Variants in BZW2 observed in about 807,000 individuals in gnomAD.
BZW2 encodes basic leucine zipper and W2 domains 2, also known as eIF5-mimic protein 1.
BZW2 carries 23 observed loss-of-function variants against 53.2 expected under a neutral mutation model. The observed-to-expected ratio is 0.43, with a 90% CI of 0.31 to 0.61. BZW2 has a LOEUF of 0.61. Ranked by LOEUF, BZW2 falls within the 20% of genes least tolerant of loss-of-function variation. The pLI is 0.09. For missense variants in BZW2, 409 were observed against 503.1 expected, an observed-to-expected ratio of 0.81 and a Z score of 1.79; for synonymous variants, 227 against 186.4, an observed-to-expected ratio of 1.22 and a Z score of -1.77.
chr7:16,646,237 A>T lies in BZW2; in HGVS notation c.-59A>T. 1 of 344,234 alleles carries T rather than the reference A, an allele frequency of 2.9e-6. No individual in the cohort carries two copies. Among genetic ancestry groups the T allele is most frequent in the South Asian group, 2.1e-5 (1 of 46,674 alleles). 21.3% of individuals were successfully genotyped at this position (344,234 alleles called of 1,614,324 possible). A position where few individuals can be genotyped will look rare whatever the true frequency, so the allele number is the denominator to read the frequency against. On this transcript the variant is annotated 5_prime_UTR_variant, in exon 1 of 12. Transcript: ENST00000258761. ...CTGCTGCTGCTGCCGCTGCTGCTGC[A>T]CGAATCGCCGCAGCCCCCAGCCTTG...
intron 3 of BZW2, among the ~76,000 whole-genome samples, chr7:16,679,783 C>A (rs1485854671): frequency 6.6e-6 from 1 of 152,202 alleles, no homozygotes; most frequent in East Asian, 1.9e-4. Flanking sequence ...AGTATATACA[C>A]TAGAAACATT....
chr7:16,670,352 G>C (rs1422310660), intron 2 of BZW2, among the ~76,000 whole-genome samples: 2 of 152,124 alleles, frequency 1.3e-5, no homozygotes, highest in Non-Finnish European at 1.5e-5. Context: ...CCTCTGCATT[G>C]ATTCTTGGCA....
intron 8 of BZW2, among the ~76,000 whole-genome samples, chr7:16,695,407 A>G (rs973565045): frequency 1.3e-5 from 2 of 152,204 alleles, no homozygotes; most frequent in Non-Finnish European, 2.9e-5. Context: ...TTTTTTGTTC[A>G]TCACTCTGTA....
chr7:16,703,587 T>A (rs370765598), intron 10 of BZW2, among the ~76,000 whole-genome samples: 2 of 152,316 alleles, frequency 1.3e-5, no homozygotes, highest in African/African-American at 4.8e-5. Context: ...ATTGAGCACA[T>A]CTCGGGGACA....
At chr7:16,646,562 A>G (rs1229333316) in intron 1 of BZW2, among the ~76,000 whole-genome samples, 1 of 152,160 alleles carries the variant, frequency 6.6e-6, no homozygotes, top group Non-Finnish European at 1.5e-5. Flanking sequence ...GGGGCCAGCC[A>G]CGCGGTGGGA....
chr7:16,674,337 A>G, intron 2 of BZW2, 75 bp from the exon 3 acceptor site: 1 of 1,157,112 alleles, frequency 8.6e-7, no homozygotes, highest in Non-Finnish European at 1.2e-6. Flanking sequence ...GATAAAATAG[A>G]ATTAAAGTTT....
intron 3 of BZW2, among the ~76,000 whole-genome samples, chr7:16,677,396 T>C (rs552765816): frequency 7.7e-4 from 118 of 152,304 alleles, no homozygotes; most frequent in African/African-American, 2.7e-3. Flanking sequence ...TGTCTCTTAG[T>C]ACCCCCTCTC....
chr7:16,704,419 C>G, intron 10 of BZW2, 128 bp from the exon 11 acceptor site: 1 of 1,027,188 alleles, frequency 9.7e-7, no homozygotes, highest in Non-Finnish European at 1.3e-6. Context: ...CTTGGTTCCT[C>G]TCTTCTGATA....
intron 3 of BZW2, among the ~76,000 whole-genome samples, chr7:16,681,017 T>A (rs1334574342): frequency 6.6e-6 from 1 of 151,988 alleles, no homozygotes; most frequent in African/African-American, 2.4e-5. Context: ...GGCAGGAGAA[T>A]CGCTTGAACC....
Position 16,684,881 on chromosome 7 carries a change from C to T in BZW2, c.406-1024C>T, listed in dbSNP as rs747715565. Among the ~76,000 whole-genome samples, 3 of 152,162 alleles carry T rather than the reference C, an allele frequency of 2.0e-5. No individual in the cohort carries two copies. In the South Asian group the frequency reaches 6.2e-4, roughly 32 times the overall value. ...TCTATAATATAATAATCCTTCAATT[C>T]TTGGGGAATAGTAAGTTAATATTTT... On this transcript the variant is annotated intron_variant, in intron 5 of 11. Coordinates refer to ENST00000258761, the MANE Select transcript of BZW2 (RefSeq NM_014038.3).
chr7:16,695,121 T>A (rs1783438461), intron 8 of BZW2, 117 bp downstream of exon 8: 13 of 916,132 alleles, frequency 1.4e-5, no homozygotes, highest in Admixed American at 6.7e-5. Flanking sequence ...GTAAACTTTG[T>A]CCACTTATTC....
intron 3 of BZW2, among the ~76,000 whole-genome samples, chr7:16,677,449 C>T (rs1006112010): frequency 8.5e-5 from 13 of 152,118 alleles, no homozygotes; most frequent in Admixed American, 3.3e-4. Flanking sequence ...GGCCAACGAC[C>T]GCTCTAACTT....
At chr7:16,677,865 A>G (rs1278006005) in intron 3 of BZW2, among the ~76,000 whole-genome samples, 2 of 152,084 alleles carry the variant, frequency 1.3e-5, no homozygotes, top group East Asian at 3.9e-4. Context: ...TCCATTGGTT[A>G]GTGCAGCCCA....
intron 1 of BZW2, among the ~76,000 whole-genome samples, chr7:16,657,581 CA>C (rs777332467): frequency 3.9e-5 from 6 of 152,094 alleles, no homozygotes; most frequent in Non-Finnish European, 5.9e-5. Flanking sequence ...GTAAAATTAC[CA>C]ATTTCAGAAA....
chr7:16,670,687 G>A (rs1782572591), intron 2 of BZW2, among the ~76,000 whole-genome samples: 1 of 152,084 alleles, frequency 6.6e-6, no homozygotes, highest in African/African-American at 2.4e-5. Context: ...TAGAAACCCA[G>A]TTATCCCCTC....
chr7:16,697,650 T>C (rs928710330), intron 9 of BZW2, among the ~76,000 whole-genome samples: 2 of 152,222 alleles, frequency 1.3e-5, no homozygotes, highest in African/African-American at 2.4e-5. Flanking sequence ...GAATGCTTTT[T>C]ATCCCAGCAG....
rs566444327 is a variant in BZW2, at chr7:16,704,952, C to A, written c.1231+283C>A. ...TAGTAGATGTGAAAGGAGAAAAATA[C>A]ATTTAGCTTAATCACGCATTATGGA... On this transcript the variant is annotated intron_variant, in intron 11 of 11. Transcript: ENST00000258761. Among the ~76,000 whole-genome samples, 9 of 152,324 alleles carry A rather than the reference C, an allele frequency of 5.9e-5. No individual in the cohort carries two copies. In the South Asian group the frequency reaches 1.7e-3, roughly 28 times the overall value.
In BZW2 at chr7:16,646,250, GC is replaced by G. The variant is rs1171700148; in HGVS notation, c.-41del. ...CGCTGCTGCTGCACGAATCGCCGCA[GC>G]CCCCAGCCTTGCGCGTCGTCGCTAC... On this transcript the variant is annotated 5_prime_UTR_variant, in exon 1 of 12. Transcript: ENST00000258761. 1.9e-5 allele frequency: 6 copies of G among 311,554 alleles called. No homozygotes were observed. Among genetic ancestry groups the G allele is most frequent in the Admixed American group, 3.6e-5 (1 of 28,006 alleles). The allele number at this position is 311,554 out of a possible 1,614,324, so 19.3% of individuals were successfully genotyped here.
At chr7:16,696,605 T>C (rs1408685842) in intron 8 of BZW2, among the ~76,000 whole-genome samples, 1 of 152,200 alleles carries the variant, frequency 6.6e-6, no homozygotes, top group African/African-American at 2.4e-5. Context: ...CTGGCTCAAG[T>C]ATCCCTACTC....
Sources: allele counts gnomAD v4.1 joint callset (sites outside exome capture counted in the v4.1 genomes callset), GRCh38; gene constraint gnomAD v4.1.1; transcripts MANE v1.5; gene names NCBI Gene and HGNC (gene_info 2026-07-23, HGNC 2026-07-21).